MYT1L: variants seen among roughly 807,000 people sequenced by gnomAD.
MYT1L encodes myelin transcription factor 1-like protein.
A neutral mutation model predicts 126.7 loss-of-function variants in MYT1L; 12 were observed. That is an observed-to-expected ratio of 0.09 (90% CI 0.06 to 0.15). MYT1L has a LOEUF of 0.15. Ranked by LOEUF, MYT1L falls within the 10% of genes least tolerant of loss-of-function variation. MYT1L has a pLI of 1.00. For synonymous variants in MYT1L, 541 were observed against 604.2 expected, an observed-to-expected ratio of 0.90 and a Z score of 1.53; for missense variants, 979 against 1,585.2, an observed-to-expected ratio of 0.62 and a Z score of 6.49.
chr2:2,068,245 G>C (rs1324489884), intron 3 of MYT1L, among the ~76,000 whole-genome samples: 2 of 152,150 alleles, frequency 1.3e-5, no homozygotes, highest in African/African-American at 4.8e-5. Context: ...CTGGCCAGCA[G>C]AGCCCTACTT....
At chr2:1,833,703 G>C (rs190294710) in intron 21 of MYT1L, among the ~76,000 whole-genome samples, 1 of 152,206 alleles carries the variant, frequency 6.6e-6, no homozygotes, top group Non-Finnish European at 1.5e-5. Context: ...CAGGAGCCGG[G>C]ATGGGGCCTT....
chr2:2,164,951 C>T (rs1194731231), intron 3 of MYT1L, among the ~76,000 whole-genome samples: 3 of 152,192 alleles, frequency 2.0e-5, no homozygotes, highest in Non-Finnish European at 4.4e-5. Flanking sequence ...TCACCTGCAG[C>T]TTCACCAATA....
At chr2:2,327,567 T>C (rs1279243003) in intron 1 of MYT1L, among the ~76,000 whole-genome samples, 1 of 152,204 alleles carries the variant, frequency 6.6e-6, no homozygotes, top group African/African-American at 2.4e-5. Context: ...AATTAGATTA[T>C]AAAAATTTAC....
chr2:2,065,890 T>C (rs1023762785), intron 3 of MYT1L, among the ~76,000 whole-genome samples: 3 of 151,184 alleles, frequency 2.0e-5, no homozygotes, highest in Admixed American at 2.0e-4. Flanking sequence ...GAACCAAAGT[T>C]GGAAGTTAAA....
At chr2:2,015,690 T>C (rs896782261) in intron 4 of MYT1L, among the ~76,000 whole-genome samples, 18 of 152,060 alleles carry the variant, frequency 1.2e-4, no homozygotes, top group Admixed American at 4.6e-4. Flanking sequence ...AGGAGAAGCC[T>C]GTGAGGCAAG....
intron 2 of MYT1L, among the ~76,000 whole-genome samples, chr2:2,176,426 C>A (rs1211078576): frequency 6.6e-6 from 1 of 152,066 alleles, no homozygotes; most frequent in African/African-American, 2.4e-5. Context: ...TTCGGGTCTA[C>A]CTCCCATACA....
chr2:1,808,796 C>T (rs1369778869), intron 22 of MYT1L, among the ~76,000 whole-genome samples: 1 of 152,182 alleles, frequency 6.6e-6, no homozygotes, highest in Non-Finnish European at 1.5e-5. Flanking sequence ...TGTGGGCACA[C>T]TGGGGTTCCA....
intron 19 of MYT1L, chr2:1,842,928 G>C (rs1273584805): frequency 5.6e-6 from 1 of 177,358 alleles, no homozygotes; most frequent in African/African-American, 2.4e-5. Context: ...TCCGCTTCCA[G>C]GCGCTTCCGC....
At chr2:2,315,194 G>C (rs910775503) in intron 1 of MYT1L, among the ~76,000 whole-genome samples, 1 of 152,022 alleles carries the variant, frequency 6.6e-6, no homozygotes, top group South Asian at 2.1e-4. Flanking sequence ...CTTTTCTCTG[G>C]TTATGTCTTG....
At chr2:2,047,278 T>C (rs1434064190) in intron 4 of MYT1L, among the ~76,000 whole-genome samples, 2 of 152,260 alleles carry the variant, frequency 1.3e-5, no homozygotes, top group Non-Finnish European at 2.9e-5. Flanking sequence ...GGCCATATTC[T>C]ATTAATTCCC....
At chr2:1,944,865 C>T (rs1347378168) in intron 8 of MYT1L, among the ~76,000 whole-genome samples, 2 of 152,126 alleles carry the variant, frequency 1.3e-5, no homozygotes, top group East Asian at 3.9e-4. Context: ...TGTGATAAAT[C>T]CCATAATGAA....
rs184563182 is a variant in MYT1L at position 2,268,978 on chromosome 2, C to T, written c.-421+15426G>A. Among the ~76,000 whole-genome samples, 154 of 152,204 alleles carry T rather than the reference C, an allele frequency of 1.0e-3. 1 individual carries two copies. The highest frequency in any genetic ancestry group is 3.6e-3 in the African/African-American group (148 of 41,522). ...GCACACCTGAGCAGGTGTCTCTTTGCGGACATTATTATATGGTGCACCCAA... is the reference window on the plus strand; with the variant it reads ...GCACACCTGAGCAGGTGTCTCTTTGTGGACATTATTATATGGTGCACCCAA... On this transcript the variant is annotated intron_variant, in intron 2 of 24. Transcript: ENST00000647738.
intron 3 of MYT1L, among the ~76,000 whole-genome samples, chr2:2,131,795 T>C (rs566802847): frequency 6.6e-6 from 1 of 151,846 alleles, no homozygotes; most frequent in African/African-American, 2.4e-5. Context: ...GAGAACTCGG[T>C]CATGTAACCT....
chr2:1,890,377 T>C (rs945007740), intron 15 of MYT1L, among the ~76,000 whole-genome samples: 5 of 152,114 alleles, frequency 3.3e-5, no homozygotes, highest in Non-Finnish European at 7.4e-5. Context: ...CTGGCTGTAA[T>C]AAGAACTTTT....
chr2:2,180,271 C>A (rs1212777797), intron 2 of MYT1L, among the ~76,000 whole-genome samples: 1 of 151,766 alleles, frequency 6.6e-6, no homozygotes, highest in African/African-American at 2.4e-5. Context: ...ATGTTTATTA[C>A]TTGGTGAATT....
At chr2:2,330,474 A>G (rs1409050394) in intron 1 of MYT1L, among the ~76,000 whole-genome samples, 3 of 152,222 alleles carry the variant, frequency 2.0e-5, no homozygotes, top group South Asian at 4.1e-4. Context: ...CATTATTATG[A>G]ACTTCAAACA....
intron 21 of MYT1L, among the ~76,000 whole-genome samples, chr2:1,815,648 C>A (rs558223772): frequency 6.6e-6 from 1 of 152,270 alleles, no homozygotes; most frequent in South Asian, 2.1e-4. Flanking sequence ...GGGGAGCACC[C>A]CCCTGGGTAC....
intron 21 of MYT1L, 100 bp downstream of exon 21, chr2:1,839,048 GT>G: frequency 9.8e-7 from 1 of 1,022,510 alleles, no homozygotes; most frequent in Non-Finnish European, 1.4e-6. Context: ...CTAAACACAG[GT>G]GACGGGAGAA....
chr2:1,877,026 T>C (rs2046996176), intron 18 of MYT1L, among the ~76,000 whole-genome samples: 1 of 152,108 alleles, frequency 6.6e-6, no homozygotes, highest in Admixed American at 6.6e-5. Flanking sequence ...ACACAGTCAG[T>C]CCGTGGTTCT....
Sources: gnomAD v4.1 joint callset for allele counts (sites outside exome capture counted in the v4.1 genomes callset) on GRCh38, gnomAD v4.1.1 for gene constraint, MANE v1.5 for transcripts, NCBI Gene and HGNC (gene_info 2026-07-23, HGNC 2026-07-21) for gene names.